PIEZO2: variants seen among roughly 807,000 people sequenced by gnomAD.
PIEZO2 encodes the protein piezo type mechanosensitive ion channel component 2, also known as piezo-type mechanosensitive ion channel component 2.
Under a neutral mutation model 337.3 loss-of-function variants are expected in PIEZO2, and 172 were observed. The observed-to-expected ratio is 0.51, with a 90% CI of 0.45 to 0.58. The LOEUF is 0.58. PIEZO2 is among the 20% of genes least tolerant of loss of function. PIEZO2 has a pLI of 0.00. For synonymous variants in PIEZO2, 1,251 were observed against 1,228.5 expected (o/e 1.02, Z -0.38); for missense variants, 3,028 against 3,391.3 (o/e 0.89, Z 2.66).
At chr18:11,117,913 C>T (rs2039933297) in intron 1 of PIEZO2, among the ~76,000 whole-genome samples, 2 of 152,196 alleles carry the variant, frequency 1.3e-5, no homozygotes, top group South Asian at 4.1e-4. Flanking sequence ...GATACAGTAG[C>T]TGCATTCAAA....
intron 4 of PIEZO2, among the ~76,000 whole-genome samples, chr18:10,905,436 A>G (rs1470305257): frequency 6.6e-6 from 1 of 152,074 alleles, no homozygotes; most frequent in Non-Finnish European, 1.5e-5. Context: ...ATACAAAATT[A>G]GCCGGGTGTG....
At chr18:10,736,824 A>G in intron 33 of PIEZO2, 114 bp from the exon 34 acceptor site, 1 of 1,193,608 alleles carries the variant, frequency 8.4e-7, no homozygotes, top group Non-Finnish European at 1.1e-6. Context: ...AACCACAACG[A>G]AAGATGTTGG....
At position 11,035,311 on chromosome 18, in the gene PIEZO2, C is replaced by T. The variant is rs1387948481; in HGVS notation, c.160+30816G>A. On this transcript the variant is annotated intron_variant, in intron 2 of 55. Transcript: ENST00000674853. The surrounding 1 kb of genome is among the most constrained non-coding windows in gnomAD (Gnocchi z 4.3). Reference sequence around the variant, plus strand: ...AAAAAGCCTGGCACCTTCTCTCTCTCTCCCTCTCTCTCTCTCTCTCTCTTT... The same window carrying T: ...AAAAAGCCTGGCACCTTCTCTCTCTTTCCCTCTCTCTCTCTCTCTCTCTTT... Among the ~76,000 whole-genome samples, 3 of 114,896 alleles carry T rather than the reference C, an allele frequency of 2.6e-5. No individual in the cohort carries two copies. Among genetic ancestry groups the T allele is most frequent in the African/African-American group, 1.3e-4 (3 of 23,280 alleles). 75.4% of individuals were successfully genotyped at this position (114,896 alleles called of 152,430 possible).
chr18:11,015,340 T>C (rs1201585911), intron 2 of PIEZO2, among the ~76,000 whole-genome samples: 2 of 152,306 alleles, frequency 1.3e-5, no homozygotes, highest in African/African-American at 4.8e-5. Flanking sequence ...GTATGGGGCA[T>C]GCCACCCTGG....
At chr18:10,905,669 T>A (rs1220677394) in intron 4 of PIEZO2, among the ~76,000 whole-genome samples, 1 of 151,296 alleles carries the variant, frequency 6.6e-6, no homozygotes, top group Non-Finnish European at 1.5e-5. Flanking sequence ...CCCATGGCAG[T>A]GTGGTGCCTG....
rs1034442483 is a variant in PIEZO2 at position 10,837,842 on chromosome 18, C to G, written c.917+17511G>C. Among the ~76,000 whole-genome samples the G allele has an allele frequency of 1.3e-5, 2 of 152,132 alleles. No homozygotes were observed. The highest frequency in any genetic ancestry group is 2.9e-5 in the Non-Finnish European group (2 of 68,036). On this transcript the variant is annotated intron_variant, in intron 7 of 55. Transcript: ENST00000674853. This position sits in a 1 kb window ranked among gnomAD's most constrained non-coding sequence, Gnocchi z 4.4. ...TCTCAGCTCACTGCAACCTCCACCTCCCAGGTTCAAGTGATTCTCCTGCCT... is the reference window on the plus strand; with the variant it reads ...TCTCAGCTCACTGCAACCTCCACCTGCCAGGTTCAAGTGATTCTCCTGCCT...
Position 10,748,369 on chromosome 18 carries a change from T to C in PIEZO2, c.4424+102A>G, listed in dbSNP as rs1360795638. 3 of 1,195,532 alleles carry C rather than the reference T, an allele frequency of 2.5e-6. No individual in the cohort carries two copies. Among genetic ancestry groups the C allele is most frequent in the Non-Finnish European group, 3.5e-6 (3 of 865,758 alleles). The allele number at this position is 1,195,532 out of a possible 1,614,324, so 74.1% of individuals were successfully genotyped here. On this transcript the variant is annotated intron_variant, in intron 30 of 55. Coordinates refer to ENST00000674853, the MANE Select transcript of PIEZO2 (RefSeq NM_001378183.1). The surrounding 1 kb of genome is among the most constrained non-coding windows in gnomAD (Gnocchi z 5.1). ...GTTTTGCTGGAAGGGATTTCTTAACTTCTTGTGGGTTCTAGAAGCAAGCTC... is the reference window on the plus strand; with the variant it reads ...GTTTTGCTGGAAGGGATTTCTTAACCTCTTGTGGGTTCTAGAAGCAAGCTC...
rs776087770 is a variant in PIEZO2 at position 10,680,207 on chromosome 18, A to G, written c.7944T>C (p.Ser2648=). ...NSSFSVVFSW[S]IQRNLSLGAK... ...GGAAATACAGTAACTACCTCTGAAT[A>G]CTCCATGAAAAAACAACAGAGAAGC... is the stretch of plus-strand genomic sequence containing the variant. Residue 2648 remains serine (S), a synonymous_variant, in exon 52 of 56, where the codon AGT becomes AGC. Transcript: ENST00000674853. 3 of 1,611,560 alleles carry G rather than the reference A, an allele frequency of 1.9e-6. No individual in the cohort carries two copies. The Admixed American group carries it at 5.0e-5, about 27-fold the overall frequency.
chr18:10,931,864 A>T (rs2032111568), intron 3 of PIEZO2, among the ~76,000 whole-genome samples: 1 of 152,168 alleles, frequency 6.6e-6, no homozygotes, highest in South Asian at 2.1e-4. Flanking sequence ...GCATGAATGT[A>T]CCTTAATTTA....
chr18:10,999,033 G>T (rs1011714186), intron 2 of PIEZO2, among the ~76,000 whole-genome samples: 4 of 151,940 alleles, frequency 2.6e-5, no homozygotes, highest in Non-Finnish European at 4.4e-5. Flanking sequence ...TTTAAATGTG[G>T]CATGCAAATG....
chr18:10,911,302 G>A lies in PIEZO2; in HGVS notation c.287-74C>T, dbSNP rs367585311. 2.2e-3 allele frequency: 837 copies of A among 384,666 alleles called. 11 individuals are homozygous for A. Among genetic ancestry groups the A allele is most frequent in the African/African-American group, 0.018 (721 of 40,356 alleles). 23.8% of individuals were successfully genotyped at this position (384,666 alleles called of 1,614,324 possible). On this transcript the variant is annotated intron_variant, in intron 3 of 55. Coordinates refer to ENST00000674853, the MANE Select transcript of PIEZO2 (RefSeq NM_001378183.1). ...AGTTTTGTTCGGCTTTTCCACACACGCTAGATATTTGGTTTTATGTTTAGG... is the reference window on the plus strand; with the variant it reads ...AGTTTTGTTCGGCTTTTCCACACACACTAGATATTTGGTTTTATGTTTAGG...
chr18:10,989,391 T>G (rs1441219570), intron 2 of PIEZO2, among the ~76,000 whole-genome samples: 1 of 151,934 alleles, frequency 6.6e-6, no homozygotes, highest in Non-Finnish European at 1.5e-5. Flanking sequence ...GTCTGAAAGA[T>G]TAAATTCTAG....
rs149653161 is a variant in PIEZO2 at position 10,858,861 on chromosome 18, A to T, written c.493-1650T>A. Among the ~76,000 whole-genome samples the T allele has an allele frequency of 4.3e-4, 65 of 152,228 alleles. 1 individual carries two copies. In the East Asian group the frequency reaches 0.012, roughly 28 times the overall value. ...TTTAATCCTGGGCCACTTCAACTTG[A>T]CTTCTACTGTATTTCATCATGACAC... On this transcript the variant is annotated intron_variant, in intron 5 of 55. Transcript: ENST00000674853.
In PIEZO2 at chr18:10,853,824, A is replaced by G. The variant is rs2041623855; in HGVS notation, c.917+1529T>C. On this transcript the variant is annotated intron_variant, in intron 7 of 55. Coordinates refer to ENST00000674853, the MANE Select transcript of PIEZO2 (RefSeq NM_001378183.1). The surrounding 1 kb of genome is among the most constrained non-coding windows in gnomAD (Gnocchi z 4.2). ...AACTCACCATGTATCTCCTAAAATA[A>G]TGGCATTTTTCTGTCTACCCACAAA... Among the ~76,000 whole-genome samples, 1 of 152,238 alleles carries G rather than the reference A, an allele frequency of 6.6e-6. No individual in the cohort carries two copies. Among genetic ancestry groups the G allele is most frequent in the Non-Finnish European group, 1.5e-5 (1 of 68,036 alleles).
chr18:11,129,051 G>A lies in PIEZO2; in HGVS notation c.64+19474C>T, dbSNP rs565204582. The stretch of plus-strand genomic sequence containing the variant: ...GATTAAAAGATGGCCCACTATGAGC[G>A]AGCTGGAAATGCCTGATCTCCCTCA... On this transcript the variant is annotated intron_variant, in intron 1 of 55. Transcript: ENST00000674853. The surrounding 1 kb of genome is among the most constrained non-coding windows in gnomAD (Gnocchi z 4.6). Among the ~76,000 whole-genome samples, 3 of 152,238 alleles carry A rather than the reference G, an allele frequency of 2.0e-5. No individual in the cohort carries two copies. The highest frequency in any genetic ancestry group is 6.5e-5 in the Admixed American group (1 of 15,288).
intron 2 of PIEZO2, among the ~76,000 whole-genome samples, chr18:11,023,997 C>T (rs1055013430): frequency 5.3e-5 from 8 of 152,182 alleles, no homozygotes; most frequent in Non-Finnish European, 8.8e-5. Flanking sequence ...GCAAGCCCCA[C>T]GCGCAGCCCC....
intron 2 of PIEZO2, among the ~76,000 whole-genome samples, chr18:11,014,064 C>T (rs1299818561): frequency 2.0e-5 from 3 of 152,246 alleles, no homozygotes; most frequent in African/African-American, 7.2e-5. Context: ...TCCACCCCGT[C>T]CTCTGGGAAA....
At chr18:10,761,207 T>G in intron 23 of PIEZO2, 96 bp from the exon 24 acceptor site, 1 of 1,124,180 alleles carries the variant, frequency 8.9e-7, no homozygotes, top group South Asian at 1.5e-5. Flanking sequence ...AAGGACAATG[T>G]TTTATAAAAG....
At chr18:10,731,571 A>ATTATT (rs776568184) in intron 35 of PIEZO2, 50 bp from the exon 36 acceptor site, 1 of 1,229,352 alleles carries the variant, frequency 8.1e-7, no homozygotes, top group South Asian at 1.6e-5. Flanking sequence ...AATTTGAAAT[A>ATTATT]AAAGGGACCT....
Sources: allele counts gnomAD v4.1 joint callset (sites outside exome capture counted in the v4.1 genomes callset), GRCh38; gene constraint gnomAD v4.1.1; non-coding constraint Gnocchi (gnomAD v3.1); transcripts MANE v1.5; gene names NCBI Gene and HGNC (gene_info 2026-07-23, HGNC 2026-07-21).